Variants in HS6ST3 observed in about 807,000 individuals in gnomAD.
The protein encoded by HS6ST3 is heparan-sulfate 6-O-sulfotransferase 3.
HS6ST3 carries 12 observed loss-of-function variants against 36.7 expected under a neutral mutation model. That is an observed-to-expected ratio of 0.33 (90% confidence interval 0.21 to 0.53). The LOEUF is 0.53. Among genes scored for constraint, HS6ST3 ranks in the 20% least tolerant of loss-of-function variants. The pLI is 0.95. For missense variants in HS6ST3, 584 were observed against 640.9 expected, an observed-to-expected ratio of 0.91 and a Z score of 0.96; for synonymous variants, 240 against 257.5, an observed-to-expected ratio of 0.93 and a Z score of 0.65.
intron 1 of HS6ST3, among the ~76,000 whole-genome samples, chr13:96,331,724 C>A (rs935214330): frequency 4.8e-4 from 73 of 152,276 alleles, no homozygotes; most frequent in Non-Finnish European, 9.4e-4. Context: ...TGGAGCTTCC[C>A]GGCTGCTTTG....
intron 1 of HS6ST3, among the ~76,000 whole-genome samples, chr13:96,779,808 T>G (rs1877481430): frequency 6.6e-6 from 1 of 151,838 alleles, no homozygotes; most frequent in Non-Finnish European, 1.5e-5. Flanking sequence ...TTTATAATGC[T>G]TATATTTGGA....
chr13:96,260,683 A>G (rs941119075), intron 1 of HS6ST3, among the ~76,000 whole-genome samples: 18 of 145,794 alleles, frequency 1.2e-4, no homozygotes, highest in African/African-American at 4.7e-4. Context: ...TCTGTCACCC[A>G]GGCTGGAGTG....
At chr13:96,211,790 A>G (rs932420199) in intron 1 of HS6ST3, among the ~76,000 whole-genome samples, 52 of 152,176 alleles carry the variant, frequency 3.4e-4, no homozygotes, top group African/African-American at 1.1e-3. Context: ...GAACTCACTG[A>G]AATGTCTACA....
At chr13:96,358,541 A>G (rs1229439726) in intron 1 of HS6ST3, among the ~76,000 whole-genome samples, 7 of 152,164 alleles carry the variant, frequency 4.6e-5, no homozygotes. Context: ...ATGTCATAAA[A>G]CACACAAAAA....
chr13:96,445,606 C>T (rs1247483268), intron 1 of HS6ST3, among the ~76,000 whole-genome samples: 2 of 151,946 alleles, frequency 1.3e-5, no homozygotes, highest in African/African-American at 4.8e-5. Flanking sequence ...GTGGCTCACA[C>T]CTGTAATCCC....
At chr13:96,317,347 TATATATATATATATATATATAAAATTATA>T (rs2054976947) in intron 1 of HS6ST3, among the ~76,000 whole-genome samples, 1 of 90,764 alleles carries the variant, frequency 1.1e-5, no homozygotes, top group Non-Finnish European at 2.1e-5. Context: ...TATATATATA[TATATATATATATATATATATAAAATTATA>T]TATATATATA....
chr13:96,154,232 A>G (rs949045600), intron 1 of HS6ST3, among the ~76,000 whole-genome samples: 1 of 152,108 alleles, frequency 6.6e-6, no homozygotes, highest in African/African-American at 2.4e-5. Flanking sequence ...ATTTGTATTC[A>G]TTGAACTGTT....
chr13:96,656,606 G>A (rs150858242), intron 1 of HS6ST3, among the ~76,000 whole-genome samples: 15 of 152,220 alleles, frequency 9.9e-5, no homozygotes, highest in Non-Finnish European at 1.0e-4. Context: ...CAAGGCTTTG[G>A]GCTCAAGGTC....
chr13:96,500,146 A>C (rs1252720510), intron 1 of HS6ST3, among the ~76,000 whole-genome samples: 1 of 152,058 alleles, frequency 6.6e-6, no homozygotes, highest in East Asian at 1.9e-4. Context: ...TGGATTTGCC[A>C]GTTCTGGACA....
intron 1 of HS6ST3, among the ~76,000 whole-genome samples, chr13:96,612,748 C>A (rs1449948212): frequency 1.3e-5 from 2 of 152,162 alleles, no homozygotes. Flanking sequence ...AATTGCCCTT[C>A]CATTCTAAAT....
At chr13:96,159,199 C>G (rs547757615) in intron 1 of HS6ST3, among the ~76,000 whole-genome samples, 1 of 152,040 alleles carries the variant, frequency 6.6e-6, no homozygotes, top group African/African-American at 2.4e-5. Context: ...AAGCAGGACA[C>G]GTTTCCCTCC....
chr13:96,659,383 G>A (rs1362487440), intron 1 of HS6ST3, among the ~76,000 whole-genome samples: 2 of 151,966 alleles, frequency 1.3e-5, no homozygotes, highest in Non-Finnish European at 2.9e-5. Flanking sequence ...ATTAGGTTAT[G>A]GGAATTCTTG....
At chr13:96,567,133 CTT>C (rs2056284175) in intron 1 of HS6ST3, among the ~76,000 whole-genome samples, 1 of 151,932 alleles carries the variant, frequency 6.6e-6, no homozygotes, top group Non-Finnish European at 1.5e-5. Context: ...TTTACTGCTT[CTT>C]TTATCTTCTC....
At chr13:96,105,082 AAAAAG>A (rs1400084846) in intron 1 of HS6ST3, among the ~76,000 whole-genome samples, 1 of 148,480 alleles carries the variant, frequency 6.7e-6, no homozygotes, top group Non-Finnish European at 1.5e-5. Flanking sequence ...AAAAAAAAAG[AAAAAG>A]AAAGAAGAAA....
chr13:96,700,204 G>A (rs530871078), intron 1 of HS6ST3, among the ~76,000 whole-genome samples: 1 of 152,132 alleles, frequency 6.6e-6, no homozygotes, highest in Non-Finnish European at 1.5e-5. Flanking sequence ...AGCTGGGGAG[G>A]CCCCACAATC....
chr13:96,251,344 A>G (rs908096468), intron 1 of HS6ST3, among the ~76,000 whole-genome samples: 2 of 152,066 alleles, frequency 1.3e-5, no homozygotes, highest in African/African-American at 4.8e-5. Context: ...GAATGTATCC[A>G]TTTTGTCTAG....
At chr13:96,194,183 T>A (rs571022672) in intron 1 of HS6ST3, among the ~76,000 whole-genome samples, 1 of 152,140 alleles carries the variant, frequency 6.6e-6, no homozygotes, top group African/African-American at 2.4e-5. Flanking sequence ...CCTCATTTCA[T>A]TGTATATACA....
chr13:96,222,801 A>G (rs79517651), intron 1 of HS6ST3, among the ~76,000 whole-genome samples: 1,762 of 152,264 alleles, frequency 0.012, 37 homozygotes, highest in African/African-American at 0.041. Flanking sequence ...CTCCACTTGA[A>G]TATTAATTTC....
In HS6ST3 at chr13:96,783,089, A is replaced by G. The variant is rs934313426; in HGVS notation, c.708-49401A>G. Among the ~76,000 whole-genome samples, 4 of 152,240 alleles carry G rather than the reference A, an allele frequency of 2.6e-5. No individual in the cohort carries two copies. The East Asian group carries it at 5.8e-4, about 22-fold the overall frequency. Reference sequence around the variant, plus strand: ...AGAGCACATTGTTTGTTCAAGGAACAAAGAGTCTTAGGAACCAAGCATCTT... The same window carrying G: ...AGAGCACATTGTTTGTTCAAGGAACGAAGAGTCTTAGGAACCAAGCATCTT... On this transcript the variant is annotated intron_variant, in intron 1 of 1. Transcript: ENST00000376705.
Sources: gnomAD v4.1 joint callset for allele counts (sites outside exome capture counted in the v4.1 genomes callset) on GRCh38, gnomAD v4.1.1 for gene constraint, MANE v1.5 for transcripts, NCBI Gene and HGNC (gene_info 2026-07-23, HGNC 2026-07-21) for gene names.